ZC3H8: variants seen among roughly 807,000 people sequenced by gnomAD.
The protein encoded by ZC3H8 is zinc finger CCCH domain-containing protein 8.
In ZC3H8, 27 loss-of-function variants were observed where a neutral mutation model predicts 42.5. That is an observed-to-expected ratio of 0.64 (90% confidence interval 0.47 to 0.88). ZC3H8 has a LOEUF of 0.88. ZC3H8 is among the 40% of genes least tolerant of loss of function. ZC3H8 has a pLI of 0.00. For synonymous variants in ZC3H8, 101 were observed against 110.1 expected (o/e 0.92, Z 0.52); for missense variants, 277 against 336.1 (o/e 0.82, Z 1.37).
At chr2:112,252,421 C>A (rs1558935889) in intron 1 of ZC3H8, among the ~76,000 whole-genome samples, 1 of 152,186 alleles carries the variant, frequency 6.6e-6, no homozygotes, top group Non-Finnish European at 1.5e-5. Context: ...CCACTTCTTG[C>A]CACTAATACA....
At chr2:112,227,291 G>A (rs766371700) in intron 8 of ZC3H8, among the ~76,000 whole-genome samples, 1 of 152,222 alleles carries the variant, frequency 6.6e-6, no homozygotes, top group East Asian at 1.9e-4. Flanking sequence ...TTGGGAGGCC[G>A]AGGCAGGCGG....
At chr2:112,219,242 T>C (rs1381661928) in intron 8 of ZC3H8, among the ~76,000 whole-genome samples, 2 of 152,042 alleles carry the variant, frequency 1.3e-5, no homozygotes, top group Non-Finnish European at 2.9e-5. Context: ...GATAGACATA[T>C]AGAGCACTGG....
intron 2 of ZC3H8, among the ~76,000 whole-genome samples, chr2:112,245,558 G>A (rs2104667565): frequency 6.6e-6 from 1 of 152,326 alleles, no homozygotes; most frequent in Middle Eastern, 3.4e-3. Context: ...GGAGGCTGAA[G>A]CAGGAGAATC....
At chr2:112,237,915 C>T (rs1685414407) in intron 3 of ZC3H8, among the ~76,000 whole-genome samples, 1 of 152,162 alleles carries the variant, frequency 6.6e-6, no homozygotes, top group Admixed American at 6.5e-5. Context: ...ATGGCTAAAT[C>T]TCATTTTAGT....
intron 7 of ZC3H8, 84 bp from the exon 8 acceptor site, chr2:112,231,034 G>T: frequency 1.1e-6 from 1 of 874,946 alleles, no homozygotes; most frequent in Non-Finnish European, 1.5e-6. Context: ...ACTTTCAAAT[G>T]ATTCCAATCA....
At chr2:112,218,222 A>G (rs1684415147) in intron 8 of ZC3H8, among the ~76,000 whole-genome samples, 1 of 152,224 alleles carries the variant, frequency 6.6e-6, no homozygotes, top group African/African-American at 2.4e-5. Context: ...ATGAGGTTTA[A>G]TAACATTAAT....
At chr2:112,254,785 C>T in intron 1 of ZC3H8, 123 bp downstream of exon 1, 2 of 1,168,930 alleles carry the variant, frequency 1.7e-6, no homozygotes, top group Non-Finnish European at 2.4e-6. Context: ...GGCCCACGTG[C>T]TCCCCACGGG....
At chr2:112,240,992 T>A (rs145379393) in intron 2 of ZC3H8, among the ~76,000 whole-genome samples, 2 of 143,736 alleles carry the variant, frequency 1.4e-5, no homozygotes, top group Non-Finnish European at 3.1e-5. Flanking sequence ...TGTGCGCGTG[T>A]GTATGTGTGT....
At chr2:112,236,804 T>C (rs1685355908) in intron 3 of ZC3H8, 109 bp from the exon 4 acceptor site, 2 of 1,042,754 alleles carry the variant, frequency 1.9e-6, no homozygotes, top group Non-Finnish European at 1.4e-6. Context: ...CCCAGCTCTT[T>C]GGGAGGCTGA....
At chr2:112,245,285 T>C (rs1440905489) in intron 2 of ZC3H8, among the ~76,000 whole-genome samples, 2 of 152,242 alleles carry the variant, frequency 1.3e-5, no homozygotes, top group African/African-American at 2.4e-5. Context: ...GTGAGGAAGC[T>C]GCAGAAGGAA....
chr2:112,246,037 C>A (rs909300786), intron 2 of ZC3H8, among the ~76,000 whole-genome samples: 10 of 152,156 alleles, frequency 6.6e-5, no homozygotes, highest in African/African-American at 1.9e-4. Flanking sequence ...TTCTAGGGCC[C>A]TTAAGAATTA....
rs1464044130 is a variant in ZC3H8, at chr2:112,216,385, C to T, written c.*99G>A. The T allele has an allele frequency of 1.3e-5, 2 of 152,456 alleles. No individual in the cohort carries two copies. The highest frequency in any genetic ancestry group is 4.8e-5 in the African/African-American group (2 of 41,592). 9.4% of individuals were successfully genotyped at this position (152,456 alleles called of 1,614,324 possible). The stretch of plus-strand genomic sequence containing the variant: ...CAAGAGGGCACTCTGAATGAGGAAT[C>T]TTGTAAACTACTCCAAATCACCAGT... On this transcript the variant is annotated 3_prime_UTR_variant, in exon 9 of 9. Coordinates refer to ENST00000409573, the MANE Select transcript of ZC3H8 (RefSeq NM_032494.3).
chr2:112,213,626 A>G lies in ZC3H8; in HGVS notation c.*2858T>C, dbSNP rs1254100958. On this transcript the variant is annotated 3_prime_UTR_variant, in exon 9 of 9. Transcript: ENST00000409573. ...CCAGTCTCTACTAAAAATACAAAAA[A>G]TTAGCAGGGTGTGGTGGCATGCACC... 2 of 151,076 alleles carry G rather than the reference A, an allele frequency of 1.3e-5. No homozygotes were observed. The highest frequency in any genetic ancestry group is 2.9e-5 in the Non-Finnish European group (2 of 67,810). 9.4% of individuals were successfully genotyped at this position (151,076 alleles called of 1,614,324 possible). A position where few individuals can be genotyped will look rare whatever the true frequency, so the allele number is the denominator to read the frequency against.
intron 1 of ZC3H8, among the ~76,000 whole-genome samples, chr2:112,252,676 C>A (rs1321064796): frequency 6.6e-6 from 1 of 152,112 alleles, no homozygotes; most frequent in East Asian, 1.9e-4. Flanking sequence ...GTCCTGGCCA[C>A]TTTGCTCCCC....
Position 112,233,296 on chromosome 2 carries a change from A to G in ZC3H8, c.697T>C (p.Tyr233His), listed in dbSNP as rs1227787103. Residue 233 changes from tyrosine to histidine, a missense_variant, in exon 6 of 9, where the codon TAT (tyrosine) becomes CAT (histidine). Coordinates refer to ENST00000409573, the MANE Select transcript of ZC3H8 (RefSeq NM_032494.3). ...KEMCKFYVQGYCTRGENCLYL... is the reference protein window; with the variant it reads ...KEMCKFYVQGHCTRGENCLYL... ...AGACAGTTTTCACCTCTGGTACAAT[A>G]TCCTTGTACATAAAACTTACACATT... is the stretch of plus-strand genomic sequence containing the variant. 4 of 1,598,730 alleles carry G rather than the reference A, an allele frequency of 2.5e-6. No homozygotes were observed. In the East Asian group the frequency reaches 6.7e-5, roughly 27 times the overall value.
At chr2:112,220,996 G>A (rs1684559959) in intron 8 of ZC3H8, among the ~76,000 whole-genome samples, 1 of 152,110 alleles carries the variant, frequency 6.6e-6, no homozygotes, top group Non-Finnish European at 1.5e-5. Context: ...TTGAATGTTG[G>A]CCTCTCTAAC....
chr2:112,226,601 A>AAAAAAAAAG (rs1684852424), intron 8 of ZC3H8, among the ~76,000 whole-genome samples: 1 of 151,142 alleles, frequency 6.6e-6, no homozygotes, highest in Non-Finnish European at 1.5e-5. Flanking sequence ...AAAAAAAAAA[A>AAAAAAAAAG]AAAAGCTCAG....
intron 2 of ZC3H8, among the ~76,000 whole-genome samples, chr2:112,247,069 T>C (rs945984671): frequency 2.6e-5 from 4 of 152,224 alleles, no homozygotes; most frequent in African/African-American, 9.6e-5. Context: ...AATTAAGATA[T>C]ATACTGTTTT....
chr2:112,249,690 C>T (rs763398015), intron 2 of ZC3H8, among the ~76,000 whole-genome samples: 3 of 152,268 alleles, frequency 2.0e-5, no homozygotes, highest in Admixed American at 6.5e-5. Context: ...ATGATCCATC[C>T]ACCTCGGCCT....
Sources: allele counts gnomAD v4.1 joint callset (sites outside exome capture counted in the v4.1 genomes callset), GRCh38; gene constraint gnomAD v4.1.1; transcripts MANE v1.5; gene names NCBI Gene and HGNC (gene_info 2026-07-23, HGNC 2026-07-21).